BRINP3: variants seen among roughly 807,000 people sequenced by gnomAD.
BRINP3 encodes the protein BMP/retinoic acid-inducible neural-specific protein 3.
A neutral mutation model predicts 71.0 loss-of-function variants in BRINP3; 19 were observed. The observed-to-expected ratio is 0.27, with a 90% CI of 0.19 to 0.39. The LOEUF (loss-of-function observed/expected upper bound fraction) is 0.39. Ranked by LOEUF, BRINP3 falls within the 10% of genes least tolerant of loss-of-function variation. The probability of loss-of-function intolerance (pLI) is 1.00; values close to 1 mark genes in which losing one functional copy is unlikely to be tolerated. For synonymous variants in BRINP3, 380 were observed against 337.7 expected (o/e 1.13, Z -1.37); for missense variants, 959 against 940.8 (o/e 1.02, Z -0.25).
At chr1:190,434,344 G>A (rs1389382220) in intron 2 of BRINP3, among the ~76,000 whole-genome samples, 11 of 151,746 alleles carry the variant, frequency 7.2e-5, no homozygotes, top group Admixed American at 2.6e-4. Flanking sequence ...TCCTGACCTC[G>A]GGTGATCTGC....
intron 6 of BRINP3, among the ~76,000 whole-genome samples, chr1:190,168,442 T>G (rs1036610355): frequency 2.6e-5 from 4 of 152,066 alleles, no homozygotes; most frequent in Non-Finnish European, 5.9e-5. Context: ...GAAATCAGAG[T>G]GTGGTCTTAT....
At chr1:190,280,573 C>A (rs575085542) in intron 3 of BRINP3, among the ~76,000 whole-genome samples, 1 of 151,902 alleles carries the variant, frequency 6.6e-6, no homozygotes, top group East Asian at 1.9e-4. Flanking sequence ...TGCTGAAAGA[C>A]TGGGCTGGCA....
intron 7 of BRINP3, among the ~76,000 whole-genome samples, chr1:190,102,822 A>G (rs1279325311): frequency 1.3e-5 from 2 of 152,086 alleles, no homozygotes. Flanking sequence ...TTTGAAAATA[A>G]TTCCTCAAAA....
At chr1:190,345,985 C>T (rs1482383352) in intron 2 of BRINP3, among the ~76,000 whole-genome samples, 1 of 151,732 alleles carries the variant, frequency 6.6e-6, no homozygotes, top group Non-Finnish European at 1.5e-5. Context: ...ATAATAGTCA[C>T]AACCTGCATA....
At chr1:190,315,320 C>A (rs1039380896) in intron 2 of BRINP3, among the ~76,000 whole-genome samples, 2 of 152,094 alleles carry the variant, frequency 1.3e-5, no homozygotes, top group Admixed American at 6.6e-5. Context: ...CAAGTGGCCT[C>A]TGGAAGCTGT....
intron 1 of BRINP3, among the ~76,000 whole-genome samples, chr1:190,469,131 G>T (rs1676960384): frequency 2.0e-5 from 3 of 150,966 alleles, no homozygotes; most frequent in South Asian, 4.2e-4. Context: ...GAGTAAAATT[G>T]ATATTTAGGA....
chr1:190,323,297 A>G (rs1666367843), intron 2 of BRINP3, among the ~76,000 whole-genome samples: 1 of 151,978 alleles, frequency 6.6e-6, no homozygotes, highest in African/African-American at 2.4e-5. Flanking sequence ...CTGGATAGAC[A>G]ATAGAGAGGT....
intron 2 of BRINP3, among the ~76,000 whole-genome samples, chr1:190,396,030 T>C (rs1480221255): frequency 2.0e-5 from 3 of 151,894 alleles, no homozygotes; most frequent in South Asian, 2.1e-4. Flanking sequence ...GAAAGGATTT[T>C]TGTTGTGCTG....
chr1:190,384,520 A>C (rs1670757734), intron 2 of BRINP3, among the ~76,000 whole-genome samples: 1 of 151,948 alleles, frequency 6.6e-6, no homozygotes, highest in Non-Finnish European at 1.5e-5. Context: ...ATAAATTCCC[A>C]AAATTTTACG....
chr1:190,227,372 A>G (rs1657492029), intron 5 of BRINP3, among the ~76,000 whole-genome samples: 1 of 151,678 alleles, frequency 6.6e-6, no homozygotes, highest in Admixed American at 6.6e-5. Flanking sequence ...TGGAAAAAGT[A>G]CTCTTAGAAC....
chr1:190,406,365 A>C (rs189893872), intron 2 of BRINP3, among the ~76,000 whole-genome samples: 280 of 152,308 alleles, frequency 1.8e-3, no homozygotes, highest in Admixed American at 3.4e-3. Context: ...TCTATGGACC[A>C]TATTTCATAA....
intron 3 of BRINP3, among the ~76,000 whole-genome samples, chr1:190,265,452 A>G (rs985465090): frequency 2.0e-5 from 3 of 151,858 alleles, no homozygotes; most frequent in African/African-American, 7.2e-5. Flanking sequence ...CTGTAATCCC[A>G]GCACTATGGA....
chr1:190,137,958 T>G (rs887703841), intron 7 of BRINP3, among the ~76,000 whole-genome samples: 3 of 152,096 alleles, frequency 2.0e-5, no homozygotes, highest in African/African-American at 4.8e-5. Context: ...AGTTTTTTTT[T>G]TTTGTTTGTA....
intron 2 of BRINP3, among the ~76,000 whole-genome samples, chr1:190,345,644 C>G (rs1361400819): frequency 1.4e-5 from 2 of 146,896 alleles, no homozygotes; most frequent in Admixed American, 1.4e-4. Context: ...ACTAGCTAGC[C>G]TAACTTGAAA....
chr1:190,296,387 C>T (rs944940448), intron 2 of BRINP3, among the ~76,000 whole-genome samples: 1 of 151,870 alleles, frequency 6.6e-6, no homozygotes, highest in Non-Finnish European at 1.5e-5. Context: ...ATGATAAAAA[C>T]TCTCAACATA....
At chr1:190,130,021 A>G (rs577778395) in intron 7 of BRINP3, among the ~76,000 whole-genome samples, 1 of 151,998 alleles carries the variant, frequency 6.6e-6, no homozygotes, top group Non-Finnish European at 1.5e-5. Context: ...GAGACAAAAT[A>G]ATTTAGTAGA....
chr1:190,285,174 G>A (rs1398713349), intron 2 of BRINP3, among the ~76,000 whole-genome samples: 3 of 152,090 alleles, frequency 2.0e-5, no homozygotes, highest in Admixed American at 6.6e-5. Flanking sequence ...TGATAAGAGC[G>A]CTTTAAGTAA....
At chr1:190,411,844 T>G (rs1672687714) in intron 2 of BRINP3, among the ~76,000 whole-genome samples, 1 of 152,158 alleles carries the variant, frequency 6.6e-6, no homozygotes, top group African/African-American at 2.4e-5. Flanking sequence ...GAAAGAAAGC[T>G]AAATCCTAAG....
intron 2 of BRINP3, among the ~76,000 whole-genome samples, chr1:190,305,585 G>A (rs1665037655): frequency 1.3e-5 from 2 of 151,604 alleles, no homozygotes; most frequent in East Asian, 1.9e-4. Context: ...TAGAAAGCAA[G>A]GAGAAGAGGG....
Sources: allele counts gnomAD v4.1 joint callset (sites outside exome capture counted in the v4.1 genomes callset), GRCh38; gene constraint gnomAD v4.1.1; transcripts MANE v1.5; gene names NCBI Gene and HGNC (gene_info 2026-07-23, HGNC 2026-07-21).